The following SCAMP1 variants were observed in gnomAD, a reference collection of about 807,000 sequenced individuals.
SCAMP1 encodes the protein secretory carrier membrane protein 1, also known as secretory carrier-associated membrane protein 1.
SCAMP1 carries 15 observed loss-of-function variants against 41.8 expected under a neutral mutation model. That is an observed-to-expected ratio of 0.36 (90% CI 0.24 to 0.55). The LOEUF is 0.55. SCAMP1 is among the 20% of genes least tolerant of loss of function. SCAMP1 has a pLI of 0.86. For synonymous variants in SCAMP1, 135 were observed against 136.8 expected (o/e 0.99, Z 0.09); for missense variants, 341 against 412.6 (o/e 0.83, Z 1.50).
intron 2 of SCAMP1, among the ~76,000 whole-genome samples, chr5:78,410,684 A>G (rs1175125720): frequency 2.0e-5 from 3 of 152,156 alleles, no homozygotes; most frequent in Non-Finnish European, 4.4e-5. Flanking sequence ...GCTGGGTCAA[A>G]TCGTATTTCT....
At chr5:78,459,217 C>G in intron 7 of SCAMP1, 28 bp from the exon 8 acceptor site, 2 of 1,034,110 alleles carry the variant, frequency 1.9e-6, no homozygotes, top group Non-Finnish European at 3.0e-6. Context: ...TCAACTTTTG[C>G]CTAATTACAC....
At chr5:78,414,959 T>G (rs1285847695) in intron 2 of SCAMP1, among the ~76,000 whole-genome samples, 2 of 143,858 alleles carry the variant, frequency 1.4e-5, no homozygotes, top group Non-Finnish European at 3.0e-5. Context: ...AAAAGTTCTT[T>G]TTTTTTTTTT....
At chr5:78,383,575 T>G (rs879061955) in intron 1 of SCAMP1, among the ~76,000 whole-genome samples, 1 of 152,174 alleles carries the variant, frequency 6.6e-6, no homozygotes, top group African/African-American at 2.4e-5. Context: ...GTCTTAGATT[T>G]AGGTCTTTGA....
intron 6 of SCAMP1, 30 bp from the exon 7 acceptor site, chr5:78,449,903 T>G: frequency 1.6e-5 from 21 of 1,295,960 alleles, no homozygotes; most frequent in Non-Finnish European, 1.9e-5. Context: ...CTAACCCCCT[T>G]TTTTCTTTCT....
At chr5:78,408,994 C>T (rs1752001470) in intron 2 of SCAMP1, among the ~76,000 whole-genome samples, 1 of 152,134 alleles carries the variant, frequency 6.6e-6, no homozygotes. Context: ...GAGGTATTCC[C>T]ATCATTTATT....
At chr5:78,399,649 C>G (rs1365281932) in intron 2 of SCAMP1, among the ~76,000 whole-genome samples, 2 of 152,142 alleles carry the variant, frequency 1.3e-5, no homozygotes, top group African/African-American at 4.8e-5. Flanking sequence ...CTGTCCATTT[C>G]TTAATTGGTT....
intron 6 of SCAMP1, among the ~76,000 whole-genome samples, chr5:78,425,027 T>C (rs1268909335): frequency 6.6e-6 from 1 of 152,216 alleles, no homozygotes; most frequent in East Asian, 1.9e-4. Flanking sequence ...GGATTAGAGA[T>C]AATGTATGCA....
At chr5:78,470,821 T>C (rs1753868949) in intron 8 of SCAMP1, among the ~76,000 whole-genome samples, 1 of 152,150 alleles carries the variant, frequency 6.6e-6, no homozygotes, top group South Asian at 2.1e-4. Context: ...TGATTTTCCG[T>C]TTTTCTCATT....
At chr5:78,411,822 A>G (rs1448317793) in intron 2 of SCAMP1, among the ~76,000 whole-genome samples, 3 of 152,176 alleles carry the variant, frequency 2.0e-5, no homozygotes, top group Admixed American at 6.5e-5. Context: ...AAATACTTCT[A>G]TGGCTCTTGA....
intron 2 of SCAMP1, among the ~76,000 whole-genome samples, chr5:78,413,113 A>G (rs1752122221): frequency 6.6e-6 from 1 of 152,200 alleles, no homozygotes; most frequent in African/African-American, 2.4e-5. Context: ...TTTACCTCGA[A>G]TTAATCTTTG....
At chr5:78,365,990 A>C (rs1341541733) in intron 1 of SCAMP1, among the ~76,000 whole-genome samples, 1 of 152,084 alleles carries the variant, frequency 6.6e-6, no homozygotes, top group Non-Finnish European at 1.5e-5. Flanking sequence ...TAAACAACAG[A>C]AATTTATTGC....
chr5:78,432,429 AT>A (rs971178244), intron 6 of SCAMP1, among the ~76,000 whole-genome samples: 1 of 151,990 alleles, frequency 6.6e-6, no homozygotes, highest in East Asian at 1.9e-4. Flanking sequence ...AAAAGTCTTC[AT>A]TTTTTGTTCA....
intron 1 of SCAMP1, among the ~76,000 whole-genome samples, chr5:78,382,227 G>T (rs1751220425): frequency 1.3e-5 from 2 of 152,166 alleles, no homozygotes; most frequent in African/African-American, 4.8e-5. Context: ...AAATTCGAAG[G>T]TTAGCCTACA....
intron 2 of SCAMP1, among the ~76,000 whole-genome samples, chr5:78,390,999 C>G (rs1561256662): frequency 6.6e-6 from 1 of 151,156 alleles, no homozygotes; most frequent in Non-Finnish European, 1.5e-5. Context: ...GATCCCAAGG[C>G]AGAAGAATTT....
intron 7 of SCAMP1, chr5:78,457,647 T>C (rs930127255): frequency 4.5e-5 from 7 of 154,090 alleles, no homozygotes; most frequent in African/African-American, 1.7e-4. Context: ...TGTTTGTCTG[T>C]GCCCTGCCCC....
rs1369676080 is a variant in SCAMP1 at position 78,396,566 on chromosome 5, G to A, written c.135+7652G>A. 3.9e-5 allele frequency among the ~76,000 whole-genome samples: 6 copies of A among 152,274 alleles called. No individual in the cohort carries two copies. In the South Asian group the frequency reaches 1.2e-3, roughly 32 times the overall value. Reference sequence around the variant, plus strand: ...GTATGAATCTGGTGTTCATCAGAGAGGTCTGGGCTGGAAGATATACATGTG... The same window carrying A: ...GTATGAATCTGGTGTTCATCAGAGAAGTCTGGGCTGGAAGATATACATGTG... On this transcript the variant is annotated intron_variant, in intron 2 of 8. Transcript: ENST00000621999.
intron 7 of SCAMP1, among the ~76,000 whole-genome samples, chr5:78,456,782 T>G (rs186000910): frequency 0.3 from 39,281 of 128,828 alleles, 6,989 homozygotes; most frequent in East Asian, 0.82. Flanking sequence ...CAGAGTGTTT[T>G]CCAACTTGGT....
At chr5:78,453,037 T>A (rs1237941589) in intron 7 of SCAMP1, among the ~76,000 whole-genome samples, 2 of 147,792 alleles carry the variant, frequency 1.4e-5, no homozygotes, top group Admixed American at 1.3e-4. Context: ...GGGTTGTTTG[T>A]TTTTTTCTTG....
chr5:78,460,695 G>C (rs1421464287), intron 8 of SCAMP1, among the ~76,000 whole-genome samples: 1 of 106,600 alleles, frequency 9.4e-6, no homozygotes, highest in Non-Finnish European at 2.2e-5. Context: ...CCTGTAGATT[G>C]TCTCTTTACT....
Sources: allele counts gnomAD v4.1 joint callset (sites outside exome capture counted in the v4.1 genomes callset), GRCh38; gene constraint gnomAD v4.1.1; transcripts MANE v1.5; gene names NCBI Gene and HGNC (gene_info 2026-07-23, HGNC 2026-07-21).